The following EXT1 variants were observed in gnomAD, a reference collection of about 807,000 sequenced individuals.
EXT1 encodes the protein exostosin glycosyltransferase 1.
EXT1 carries 20 observed loss-of-function variants against 82.5 expected under a neutral mutation model. That is an observed-to-expected ratio of 0.24 (90% CI 0.17 to 0.35). The LOEUF (loss-of-function observed/expected upper bound fraction) is 0.35. Ranked by LOEUF, EXT1 falls within the 10% of genes least tolerant of loss-of-function variation. The pLI is 1.00. For synonymous variants in EXT1, 348 were observed against 350.8 expected (o/e 0.99, Z 0.09); for missense variants, 757 against 936.5 (o/e 0.81, Z 2.50).
chr8:117,846,170 T>C (rs1812357414), intron 1 of EXT1, among the ~76,000 whole-genome samples: 1 of 152,152 alleles, frequency 6.6e-6, no homozygotes, highest in Non-Finnish European at 1.5e-5. Context: ...TGCAGTGGCA[T>C]GATCTCAGCT....
chr8:117,866,793 CAAAA>C (rs10709657), intron 1 of EXT1, among the ~76,000 whole-genome samples: 4 of 91,848 alleles, frequency 4.4e-5, no homozygotes, highest in African/African-American at 8.6e-5. Context: ...CTGGCCTACC[CAAAA>C]AAAAAAAAAA....
chr8:117,997,709 C>CCTA (rs1815575957), intron 1 of EXT1, among the ~76,000 whole-genome samples: 1 of 152,122 alleles, frequency 6.6e-6, no homozygotes, highest in Admixed American at 6.5e-5. Context: ...TAGTAAACAG[C>CCTA]CTACTCTGTG....
chr8:118,016,981 G>A (rs765303797), intron 1 of EXT1, among the ~76,000 whole-genome samples: 1 of 152,150 alleles, frequency 6.6e-6, no homozygotes, highest in African/African-American at 2.4e-5. Flanking sequence ...TGTGATGCAC[G>A]AACTTCTCTG....
chr8:117,811,458 C>T (rs1396790986), intron 8 of EXT1, among the ~76,000 whole-genome samples: 1 of 152,120 alleles, frequency 6.6e-6, no homozygotes, highest in Non-Finnish European at 1.5e-5. Flanking sequence ...CCCACCCTGG[C>T]CCAACCACTC....
chr8:117,955,809 A>G lies in EXT1; in HGVS notation c.963-118608T>C, dbSNP rs113298916. Among the ~76,000 whole-genome samples, 1,186 of 152,248 alleles carry G rather than the reference A, an allele frequency of 7.8e-3. 23 individuals carry two copies. The highest frequency in any genetic ancestry group is 0.027 in the African/African-American group (1,133 of 41,528). On this transcript the variant is annotated intron_variant, in intron 1 of 10. Transcript: ENST00000378204. Reference sequence around the variant, plus strand: ...TGGCCTGAAGCAATTTGCCTGCCTTAGCCTCCCCAAGTTCTGTGATTACAG... The same window carrying G: ...TGGCCTGAAGCAATTTGCCTGCCTTGGCCTCCCCAAGTTCTGTGATTACAG...
At chr8:118,016,083 AG>A (rs1428803696) in intron 1 of EXT1, among the ~76,000 whole-genome samples, 1 of 152,214 alleles carries the variant, frequency 6.6e-6, no homozygotes, top group Non-Finnish European at 1.5e-5. Context: ...GTGAGAGAAT[AG>A]ATTTTTGTTG....
chr8:118,109,752 C>T (rs546027150), intron 1 of EXT1, among the ~76,000 whole-genome samples: 3 of 152,136 alleles, frequency 2.0e-5, no homozygotes, highest in African/African-American at 7.2e-5. Context: ...CCCTCCAGTA[C>T]CCATGCCTGA....
At chr8:118,051,006 C>T (rs1250269304) in intron 1 of EXT1, among the ~76,000 whole-genome samples, 1 of 152,186 alleles carries the variant, frequency 6.6e-6, no homozygotes, top group African/African-American at 2.4e-5. Flanking sequence ...CTGCTATTAA[C>T]ATCAGCAGAG....
At chr8:117,974,429 T>A (rs546316843) in intron 1 of EXT1, among the ~76,000 whole-genome samples, 1 of 152,252 alleles carries the variant, frequency 6.6e-6, no homozygotes, top group South Asian at 2.1e-4. Context: ...TGCTTTACAG[T>A]GAGGTCAAAA....
chr8:118,094,369 A>G (rs564076006), intron 1 of EXT1, among the ~76,000 whole-genome samples: 1 of 152,368 alleles, frequency 6.6e-6, no homozygotes, highest in Admixed American at 6.5e-5. Context: ...AGGAGCTTCT[A>G]TATGACTGGC....
At chr8:117,938,924 T>C (rs1814220101) in intron 1 of EXT1, among the ~76,000 whole-genome samples, 1 of 152,244 alleles carries the variant, frequency 6.6e-6, no homozygotes, top group Admixed American at 6.5e-5. Flanking sequence ...ACACATTCAC[T>C]GCCTCAGCTC....
intron 1 of EXT1, among the ~76,000 whole-genome samples, chr8:118,073,292 C>T (rs1440521503): frequency 1.3e-5 from 2 of 152,154 alleles, no homozygotes; most frequent in African/African-American, 4.8e-5. Flanking sequence ...ACACCTCCAT[C>T]GGTGAAGCAT....
intron 1 of EXT1, among the ~76,000 whole-genome samples, chr8:117,888,087 AAATAAT>A (rs543600078): frequency 6.6e-6 from 1 of 150,446 alleles, no homozygotes; most frequent in Non-Finnish European, 1.5e-5. Context: ...TCCATCTCAA[AAATAAT>A]AATAATAATA....
intron 1 of EXT1, among the ~76,000 whole-genome samples, chr8:117,915,476 G>T (rs1813730270): frequency 6.6e-6 from 1 of 151,954 alleles, no homozygotes. Context: ...CCTACTGATA[G>T]AAATTTAAGT....
intron 3 of EXT1, among the ~76,000 whole-genome samples, chr8:117,834,383 T>A (rs1431572230): frequency 6.6e-6 from 1 of 152,136 alleles, no homozygotes; most frequent in Non-Finnish European, 1.5e-5. Flanking sequence ...GATGGGTGAA[T>A]CACCTGAGGT....
intron 7 of EXT1, among the ~76,000 whole-genome samples, chr8:117,815,316 A>G (rs1333249680): frequency 6.6e-6 from 1 of 152,170 alleles, no homozygotes; most frequent in African/African-American, 2.4e-5. Context: ...GGAGATAGAG[A>G]TTTTAAAATG....
intron 1 of EXT1, among the ~76,000 whole-genome samples, chr8:118,046,613 C>G (rs1816627431): frequency 6.6e-6 from 1 of 152,330 alleles, no homozygotes; most frequent in East Asian, 1.9e-4. Flanking sequence ...TTCCCTAATA[C>G]TTTGTATTCC....
At chr8:117,914,160 G>C (rs546873898) in intron 1 of EXT1, among the ~76,000 whole-genome samples, 1 of 152,182 alleles carries the variant, frequency 6.6e-6, no homozygotes, top group African/African-American at 2.4e-5. Context: ...CAAGGACCCC[G>C]AACAGAGGGA....
intron 4 of EXT1, among the ~76,000 whole-genome samples, chr8:117,825,821 T>C (rs935507965): frequency 7.9e-5 from 12 of 152,326 alleles, no homozygotes; most frequent in African/African-American, 2.9e-4. Flanking sequence ...CGTATGTGCA[T>C]GATTAGATAA....
Sources: gnomAD v4.1 joint callset for allele counts (sites outside exome capture counted in the v4.1 genomes callset) on GRCh38, gnomAD v4.1.1 for gene constraint, MANE v1.5 for transcripts, NCBI Gene and HGNC (gene_info 2026-07-23, HGNC 2026-07-21) for gene names.